Variants in KHDRBS2 observed in about 807,000 individuals in gnomAD.
The protein encoded by KHDRBS2 is KH domain-containing, RNA-binding, signal transduction-associated protein 2.
A neutral mutation model predicts 44.3 loss-of-function variants in KHDRBS2; 26 were observed. That is an observed-to-expected ratio of 0.59 (90% CI 0.43 to 0.81). The LOEUF is 0.81. Ranked by LOEUF, KHDRBS2 falls within the 40% of genes least tolerant of loss-of-function variation. The pLI, the probability that KHDRBS2 is intolerant of heterozygous loss-of-function variation, is 0.00. For missense variants in KHDRBS2, 476 were observed against 433.1 expected (o/e 1.10, Z -0.88); for synonymous variants, 194 against 151.1 (o/e 1.28, Z -2.08).
At chr6:62,209,501 T>C (rs146137325) in intron 1 of KHDRBS2, among the ~76,000 whole-genome samples, 103 of 152,338 alleles carry the variant, frequency 6.8e-4, no homozygotes, top group African/African-American at 2.4e-3. Flanking sequence ...GTCACTACCA[T>C]GTTACCATTA....
At position 62,114,015 on chromosome 6, in the gene KHDRBS2, C is replaced by T. The variant is rs114716204; in HGVS notation, c.219+63170G>A. On this transcript the variant is annotated intron_variant, in intron 2 of 8. Transcript: ENST00000281156. ...GGAAGCAAACACATTCTTCACAAGGCGGCAGGAGAGATAAGCGCAAAGCAA... is the reference window on the plus strand; with the variant it reads ...GGAAGCAAACACATTCTTCACAAGGTGGCAGGAGAGATAAGCGCAAAGCAA... 2.5e-3 allele frequency among the ~76,000 whole-genome samples: 383 copies of T among 152,092 alleles called. 3 individuals are homozygous for T. The highest frequency in any genetic ancestry group is 8.4e-3 in the African/African-American group (348 of 41,502).
rs560388607 is a variant in KHDRBS2 at position 61,852,493 on chromosome 6, G to T, written c.810+42142C>A. Among the ~76,000 whole-genome samples, 3 of 151,788 alleles carry T rather than the reference G, an allele frequency of 2.0e-5. No individual in the cohort carries two copies. The South Asian group carries it at 6.3e-4, about 32-fold the overall frequency. ...GCAGGAGAATCATTTGAACCCGGGA[G>T]GCAGAGGCTGCAGTGAGACGAGATC... On this transcript the variant is annotated intron_variant, in intron 6 of 8. Coordinates refer to ENST00000281156, the MANE Select transcript of KHDRBS2 (RefSeq NM_152688.4).
At chr6:61,767,957 C>G (rs1001294308) in intron 6 of KHDRBS2, among the ~76,000 whole-genome samples, 1 of 152,026 alleles carries the variant, frequency 6.6e-6, no homozygotes, top group Non-Finnish European at 1.5e-5. Context: ...TGTGTACTTA[C>G]TATTACCCAA....
chr6:62,047,530 T>C (rs534205451), intron 3 of KHDRBS2, among the ~76,000 whole-genome samples: 7 of 151,548 alleles, frequency 4.6e-5, no homozygotes, highest in African/African-American at 9.7e-5. Context: ...GGTGATATGA[T>C]TGAAGAAAGA....
chr6:61,733,257 A>G (rs1774778038), intron 6 of KHDRBS2, among the ~76,000 whole-genome samples: 1 of 152,122 alleles, frequency 6.6e-6, no homozygotes, highest in Non-Finnish European at 1.5e-5. Context: ...AATAAATAAA[A>G]GAAAAAAAGA....
chr6:61,845,043 A>G (rs751364661), intron 6 of KHDRBS2, among the ~76,000 whole-genome samples: 2 of 152,196 alleles, frequency 1.3e-5, no homozygotes, highest in Non-Finnish European at 2.9e-5. Flanking sequence ...TTGACAAGAT[A>G]AACTCTAGAT....
the KHDRBS2 span, among the ~76,000 whole-genome samples, chr6:61,672,859 C>T: frequency 6.6e-6 from 1 of 151,170 alleles, no homozygotes; most frequent in East Asian, 1.9e-4. Flanking sequence ...AATTAGATCC[C>T]ATTTGTCAAT....
chr6:61,956,215 AC>A (rs563465949), intron 4 of KHDRBS2, among the ~76,000 whole-genome samples: 62 of 152,128 alleles, frequency 4.1e-4, no homozygotes, highest in Non-Finnish European at 7.6e-4. Flanking sequence ...AAACAAAAAA[AC>A]AGACACTCTT....
intron 2 of KHDRBS2, among the ~76,000 whole-genome samples, chr6:62,126,178 C>A (rs1473519458): frequency 2.0e-5 from 3 of 152,086 alleles, no homozygotes; most frequent in Admixed American, 6.5e-5. Context: ...AGGCCGTGGG[C>A]CTTGAGTGAA....
rs568068260 is a variant in KHDRBS2 at position 61,924,355 on chromosome 6, G to A, written c.484-22984C>T. On this transcript the variant is annotated intron_variant, in intron 4 of 8. Coordinates refer to ENST00000281156, the MANE Select transcript of KHDRBS2 (RefSeq NM_152688.4). Reference sequence around the variant, plus strand: ...ACCAAGGGCCATAAGAAAATTTTAGGGGGGATGGAGAGATTCATTATTTTG... The same window carrying A: ...ACCAAGGGCCATAAGAAAATTTTAGAGGGGATGGAGAGATTCATTATTTTG... 1.3e-4 allele frequency among the ~76,000 whole-genome samples: 20 copies of A among 152,160 alleles called. No homozygotes were observed. In the South Asian group the frequency reaches 4.1e-3, roughly 32 times the overall value.
chr6:61,806,809 T>A (rs1787240024), intron 6 of KHDRBS2, among the ~76,000 whole-genome samples: 1 of 152,086 alleles, frequency 6.6e-6, no homozygotes, highest in Non-Finnish European at 1.5e-5. Context: ...ATTTTTCAAT[T>A]TTTAATTTTT....
the KHDRBS2 span, among the ~76,000 whole-genome samples, chr6:61,572,268 G>C: frequency 6.6e-6 from 1 of 151,864 alleles, no homozygotes; most frequent in Non-Finnish European, 1.5e-5. Context: ...GATTAAATAA[G>C]GAAGAAATAA....
chr6:62,150,387 A>G (rs949852829), intron 2 of KHDRBS2, among the ~76,000 whole-genome samples: 5 of 152,068 alleles, frequency 3.3e-5, no homozygotes, highest in Admixed American at 3.3e-4. Context: ...GACATATACT[A>G]TCTAATTTAA....
At chr6:61,766,609 T>G (rs1780048644) in intron 6 of KHDRBS2, among the ~76,000 whole-genome samples, 1 of 152,094 alleles carries the variant, frequency 6.6e-6, no homozygotes, top group African/African-American at 2.4e-5. Flanking sequence ...GCTATGAACT[T>G]CCCTCTTAGT....
the KHDRBS2 span, among the ~76,000 whole-genome samples, chr6:61,578,879 T>C: frequency 6.6e-6 from 1 of 152,158 alleles, no homozygotes; most frequent in Non-Finnish European, 1.5e-5. Context: ...CACTTTCCTT[T>C]CGCCTCTAAT....
chr6:62,109,308 A>C (rs1253100544), intron 2 of KHDRBS2, among the ~76,000 whole-genome samples: 1 of 152,066 alleles, frequency 6.6e-6, no homozygotes, highest in Admixed American at 6.6e-5. Flanking sequence ...CTAATTTTTA[A>C]AAAAAGTACT....
chr6:62,246,926 C>T (rs1835669252), intron 1 of KHDRBS2, among the ~76,000 whole-genome samples: 3 of 151,982 alleles, frequency 2.0e-5, no homozygotes, highest in African/African-American at 7.2e-5. Context: ...ATTTATAAAA[C>T]ATGTTGACTG....
intron 2 of KHDRBS2, among the ~76,000 whole-genome samples, chr6:62,098,214 C>T (rs998277647): frequency 6.7e-6 from 1 of 148,184 alleles, no homozygotes; most frequent in Non-Finnish European, 1.5e-5. Context: ...CATATACTTA[C>T]TCTTACCAGT....
At chr6:62,223,058 T>A (rs966907514) in intron 1 of KHDRBS2, among the ~76,000 whole-genome samples, 10 of 152,148 alleles carry the variant, frequency 6.6e-5, no homozygotes, top group African/African-American at 2.4e-4. Context: ...ACTCTTTGAG[T>A]GGGAGTGCCA....
Sources: gnomAD v4.1 joint callset for allele counts (sites outside exome capture counted in the v4.1 genomes callset) on GRCh38, gnomAD v4.1.1 for gene constraint, MANE v1.5 for transcripts, NCBI Gene and HGNC (gene_info 2026-07-23, HGNC 2026-07-21) for gene names.